Variants in USP28 observed in about 807,000 individuals in gnomAD.
USP28 encodes ubiquitin specific peptidase 28, also known as ubiquitin carboxyl-terminal hydrolase 28.
Under a neutral mutation model 145.0 loss-of-function variants are expected in USP28, and 113 were observed. The observed-to-expected ratio is 0.78, with a 90% CI of 0.67 to 0.91. The LOEUF (loss-of-function observed/expected upper bound fraction) is 0.91. Among genes scored for constraint, USP28 ranks in the 40% least tolerant of loss-of-function variants. The pLI, the probability that USP28 is intolerant of heterozygous loss-of-function variation, is 0.00. For synonymous variants in USP28, 447 were observed against 450.9 expected, an observed-to-expected ratio of 0.99 and a Z score of 0.11; for missense variants, 1,201 against 1,289.6, an observed-to-expected ratio of 0.93 and a Z score of 1.05.
intron 14 of USP28, among the ~76,000 whole-genome samples, chr11:113,814,377 G>A (rs796739715): frequency 6.6e-6 from 1 of 152,130 alleles, no homozygotes; most frequent in Non-Finnish European, 1.5e-5. Context: ...AGACAGGAAG[G>A]GGGGTAAGGT....
At chr11:113,824,931 T>TA (rs751056158) in intron 11 of USP28, among the ~76,000 whole-genome samples, 64,017 of 118,196 alleles carry the variant, frequency 0.54, 17,368 homozygotes, top group Middle Eastern at 0.62. Flanking sequence ...AACTCCGTCT[T>TA]AAAAAAAAAA....
rs775470018 is a variant in USP28 at position 113,817,679 on chromosome 11, G to GA, written c.1441dup (p.Ser481PhefsTer2). 1.2e-6 allele frequency: 2 copies of GA among 1,613,822 alleles called. No homozygotes were observed. The highest frequency in any genetic ancestry group is 2.7e-5 in the African/African-American group (2 of 75,040). ...TTACCTTTCCTTGGATGTCTGGTCA[G>GA]AAACCGAGCAGTGCACTGAAGAAAG... On this transcript the variant is annotated frameshift_variant, in exon 13 of 25. Coordinates refer to ENST00000003302, the Ensembl canonical transcript of USP28. LOFTEE classifies it high-confidence loss of function.
At chr11:113,855,973 T>C (rs1947005074) in intron 1 of USP28, among the ~76,000 whole-genome samples, 1 of 152,172 alleles carries the variant, frequency 6.6e-6, no homozygotes, top group South Asian at 2.1e-4. Context: ...GTAGTCAGAC[T>C]ATAGTCATAG....
rs45540541 is a variant in USP28, at chr11:113,808,152, G to A, written c.2304+146C>T. On this transcript the variant is annotated intron_variant, in intron 18 of 24. Transcript: ENST00000003302. ...CTTCTTTAAGCTGTGGCAGCAGAGT[G>A]GGGAGAAAGAGTAAGAAAAAACAGG... 192 of 1,517,918 alleles carry A rather than the reference G, an allele frequency of 1.3e-4. No homozygotes were observed. The highest frequency in any genetic ancestry group is 1.8e-4 in the Middle Eastern group (1 of 5,590). The allele number at this position is 1,517,918 out of a possible 1,614,324, so 94.0% of individuals were successfully genotyped here.
intron 3 of USP28, among the ~76,000 whole-genome samples, chr11:113,850,730 C>T (rs1946360919): frequency 6.6e-6 from 1 of 152,166 alleles, no homozygotes. Context: ...GCAACCAGTG[C>T]TTAAGCTGCA....
At chr11:113,805,592 T>C (rs1172661093) in intron 19 of USP28, among the ~76,000 whole-genome samples, 1 of 152,148 alleles carries the variant, frequency 6.6e-6, no homozygotes, top group African/African-American at 2.4e-5. Context: ...TCTCATAAAG[T>C]TCTCAGAAAA....
At chr11:113,834,195 T>G (rs1049619790) in intron 6 of USP28, 54 bp downstream of exon 6, 42 of 1,392,112 alleles carry the variant, frequency 3.0e-5, no homozygotes, top group Non-Finnish European at 3.5e-5. Context: ...TCTAGAAGCC[T>G]TAGGGATGAA....
At chr11:113,867,001 C>A (rs1449593853) in intron 1 of USP28, among the ~76,000 whole-genome samples, 1 of 152,168 alleles carries the variant, frequency 6.6e-6, no homozygotes, top group African/African-American at 2.4e-5. Flanking sequence ...TTGAACAAAT[C>A]TCAAAAACAT....
chr11:113,827,461 A>G, intron 10 of USP28, 101 bp from the exon 11 acceptor site: 3 of 1,281,812 alleles, frequency 2.3e-6, no homozygotes, highest in Non-Finnish European at 3.1e-6. Context: ...TTCCTTTGGT[A>G]TAGAACTTAT....
At chr11:113,836,085 A>G (rs1288072462) in intron 5 of USP28, among the ~76,000 whole-genome samples, 1 of 152,192 alleles carries the variant, frequency 6.6e-6, no homozygotes, top group African/African-American at 2.4e-5. Context: ...TCAAAACAAA[A>G]AAAAAGAAAA....
chr11:113,872,534 G>C (rs1033773276), intron 1 of USP28, among the ~76,000 whole-genome samples: 49 of 151,952 alleles, frequency 3.2e-4, no homozygotes, highest in Non-Finnish European at 4.7e-4. Context: ...AGGGGCATGA[G>C]AGTTGTGGAA....
Position 113,804,668 on chromosome 11 carries a change from T to C in USP28, c.2658+5A>G. 2.5e-6 allele frequency: 4 copies of C among 1,608,984 alleles called. No individual in the cohort carries two copies. The highest frequency in any genetic ancestry group is 3.4e-6 in the Non-Finnish European group (4 of 1,178,738). ...TGCTCTATAGACTTAAAGAAAACACTTTACCTTGTACTCTTCCATATTCAT... is the reference window on the plus strand; with the variant it reads ...TGCTCTATAGACTTAAAGAAAACACCTTACCTTGTACTCTTCCATATTCAT... On this transcript the variant is annotated splice_donor_5th_base_variant and intron_variant, in intron 21 of 24. Transcript: ENST00000003302.
At chr11:113,799,395 C>T in exon 25 of USP28, 2 of 1,613,334 alleles carry the variant, frequency 1.2e-6, no homozygotes. Context: ...AGAAACTCCC[C>T]TAGGCACAGC....
chr11:113,826,945 A>G (rs1346903896), intron 11 of USP28, among the ~76,000 whole-genome samples: 1 of 151,400 alleles, frequency 6.6e-6, no homozygotes, highest in East Asian at 1.9e-4. Context: ...CAAAAATTCT[A>G]TAATGTAAGT....
chr11:113,826,363 T>TG (rs1259006090), intron 11 of USP28, among the ~76,000 whole-genome samples: 4 of 120,204 alleles, frequency 3.3e-5, no homozygotes, highest in Non-Finnish European at 7.4e-5. Context: ...TTTTTTTTTT[T>TG]TTTGAGACAG....
Position 113,828,836 on chromosome 11 carries a change from T to C in USP28, c.1059+361A>G, listed in dbSNP as rs1362790115. 8.6e-6 allele frequency: 4 copies of C among 464,496 alleles called. No homozygotes were observed. The East Asian group carries it at 1.9e-4, about 22-fold the overall frequency. 28.8% of individuals were successfully genotyped at this position (464,496 alleles called of 1,614,324 possible). ...ACTATAATAGGGAAAATATTCTAAA[T>C]GGCATACCATAGGAGTTAATCACTG... On this transcript the variant is annotated intron_variant, in intron 10 of 24. Transcript: ENST00000003302.
At position 113,799,254 on chromosome 11, in the gene USP28, C is replaced by G. The variant is rs750735899; in HGVS notation, c.3220G>C (p.Val1074Leu). The G allele has an allele frequency of 5.6e-6, 9 of 1,612,796 alleles. No homozygotes were observed. In the Admixed American group the frequency reaches 1.2e-4, roughly 21 times the overall value. The change falls in exon 25 of 25, where the codon GTG (valine) becomes CTG (leucine). Residue 1074 changes from valine to leucine, a missense_variant. Transcript: ENST00000003302. The stretch of plus-strand genomic sequence containing the variant: ...CATGTGGGAGCTTATTTCACTGTCA[C>G]AGTTGAAACTCCCTGAATTGACTCC...
At chr11:113,805,911 A>G (rs1422475095) in intron 19 of USP28, among the ~76,000 whole-genome samples, 1 of 152,022 alleles carries the variant, frequency 6.6e-6, no homozygotes, top group Non-Finnish European at 1.5e-5. Flanking sequence ...GAAGTCTCAT[A>G]TTTCACTTCA....
chr11:113,835,670 G>T (rs1353839517), intron 5 of USP28, among the ~76,000 whole-genome samples: 1 of 152,198 alleles, frequency 6.6e-6, no homozygotes, highest in Non-Finnish European at 1.5e-5. Flanking sequence ...TACTCTGCTG[G>T]CTACCCTGTG....
Sources: allele counts gnomAD v4.1 joint callset (sites outside exome capture counted in the v4.1 genomes callset), GRCh38; gene constraint gnomAD v4.1.1; transcripts MANE v1.5; gene names NCBI Gene and HGNC (gene_info 2026-07-23, HGNC 2026-07-21).